The following RYR2 variants were observed in gnomAD, a reference collection of about 807,000 sequenced individuals.
RYR2 encodes ryanodine receptor 2, also known as cardiac muscle ryanodine receptor-calcium release channel.
In RYR2, 227 loss-of-function variants were observed where a neutral mutation model predicts 601.1. The observed-to-expected ratio is 0.38, with a 90% CI of 0.34 to 0.42. RYR2 has a LOEUF of 0.42. RYR2 is among the 10% of genes least tolerant of loss of function. The probability of loss-of-function intolerance (pLI) is 1.00; values close to 1 mark genes in which losing one functional copy is unlikely to be tolerated. For synonymous variants in RYR2, 2,223 were observed against 2,175.1 expected, an observed-to-expected ratio of 1.02 and a Z score of -0.61; for missense variants, 4,646 against 6,156.5, an observed-to-expected ratio of 0.75 and a Z score of 8.21.
intron 12 of RYR2, among the ~76,000 whole-genome samples, chr1:237,425,097 T>C (rs1303037032): frequency 6.6e-6 from 1 of 152,230 alleles, no homozygotes; most frequent in African/African-American, 2.4e-5. Flanking sequence ...TACAACTACT[T>C]AAAAGTTTTT....
chr1:237,044,643 A>T (rs1456964930), intron 1 of RYR2, among the ~76,000 whole-genome samples: 3 of 147,290 alleles, frequency 2.0e-5, no homozygotes, highest in Non-Finnish European at 3.0e-5. Context: ...GAGCAGGGGG[A>T]TTTTTTTTTT....
chr1:237,503,782 G>C (rs896278646), intron 22 of RYR2, among the ~76,000 whole-genome samples: 1 of 151,826 alleles, frequency 6.6e-6, no homozygotes, highest in African/African-American at 2.4e-5. Context: ...ATCTCGGCTC[G>C]CTGCAACCTC....
intron 10 of RYR2, among the ~76,000 whole-genome samples, chr1:237,392,180 A>C (rs1223702426): frequency 2.0e-5 from 3 of 152,124 alleles, no homozygotes; most frequent in Non-Finnish European, 2.9e-5. Context: ...AAGAGAAGCA[A>C]GTCTGGTAGT....
intron 1 of RYR2, among the ~76,000 whole-genome samples, chr1:237,230,515 C>G (rs566285752): frequency 6.6e-6 from 1 of 152,170 alleles, no homozygotes; most frequent in Non-Finnish European, 1.5e-5. Context: ...TTGTAGTATT[C>G]TGTTTTTCAA....
intron 1 of RYR2, among the ~76,000 whole-genome samples, chr1:237,087,402 T>C (rs1465466913): frequency 1.3e-5 from 2 of 152,166 alleles, no homozygotes; most frequent in African/African-American, 4.8e-5. Context: ...TTACCTACCA[T>C]GATGAATCAT....
intron 1 of RYR2, among the ~76,000 whole-genome samples, chr1:237,119,410 A>C (rs1279781046): frequency 1.3e-5 from 2 of 151,940 alleles, no homozygotes; most frequent in East Asian, 3.9e-4. Context: ...GGAAAACTGC[A>C]TGTGTGTGTG....
chr1:237,185,083 C>T (rs942351668), intron 1 of RYR2, among the ~76,000 whole-genome samples: 1 of 152,022 alleles, frequency 6.6e-6, no homozygotes, highest in Non-Finnish European at 1.5e-5. Flanking sequence ...CCAGACTGGT[C>T]TTGAACTCCT....
intron 24 of RYR2, among the ~76,000 whole-genome samples, chr1:237,525,120 C>G (rs1241717954): frequency 1.3e-5 from 2 of 152,122 alleles, no homozygotes; most frequent in African/African-American, 2.4e-5. Flanking sequence ...TAGCTCCCCT[C>G]CTGCTCTCCT....
intron 41 of RYR2, 86 bp downstream of exon 41, chr1:237,628,166 T>C: frequency 1.4e-6 from 2 of 1,383,538 alleles, no homozygotes; most frequent in Non-Finnish European, 2.0e-6. Flanking sequence ...ACTACATTGA[T>C]AAAAATATAT....
intron 2 of RYR2, among the ~76,000 whole-genome samples, chr1:237,287,153 T>G (rs574700315): frequency 1.9e-4 from 29 of 152,296 alleles, no homozygotes; most frequent in Non-Finnish European, 3.5e-4. Context: ...CGCTTCTGGC[T>G]TGTAGGGTTT....
chr1:237,547,831 A>G (rs889050175), intron 25 of RYR2, among the ~76,000 whole-genome samples: 3 of 152,220 alleles, frequency 2.0e-5, no homozygotes, highest in Non-Finnish European at 4.4e-5. Context: ...CTCTAGGGAA[A>G]TAAAATGCAA....
intron 1 of RYR2, among the ~76,000 whole-genome samples, chr1:237,250,746 C>G (rs1330950568): frequency 6.6e-6 from 1 of 152,188 alleles, no homozygotes; most frequent in African/African-American, 2.4e-5. Context: ...GGTGGAGATA[C>G]ACCTATCCCA....
chr1:237,732,055 G>T lies in RYR2; in HGVS notation c.10945G>T (p.Ala3649Ser). The T allele has an allele frequency of 6.2e-7, 1 of 1,601,070 alleles. No homozygotes were observed. Among genetic ancestry groups the T allele is most frequent in the Non-Finnish European group, 8.5e-7 (1 of 1,172,684 alleles). The change falls in exon 78 of 105, where the codon GCT becomes TCT. Residue 3649 changes from alanine (A) to serine (S), a missense_variant. Ala to Ser is a moderately conservative substitution (Grantham distance 99, BLOSUM62 1). Coordinates refer to ENST00000366574, the MANE Select transcript of RYR2 (RefSeq NM_001035.3). ...TTTGACTTTTTTGCAGAAACCTGGG[G>T]CTGAACCTCCAGAAGAAGATGAAGG... ...KLIEDLAKPG[A>S]EPPEEDEGTK...
intron 63 of RYR2, among the ~76,000 whole-genome samples, chr1:237,688,410 A>G (rs958902939): frequency 2.0e-5 from 3 of 152,034 alleles, no homozygotes; most frequent in Non-Finnish European, 2.9e-5. Flanking sequence ...GTATATATAT[A>G]TACATATATA....
intron 10 of RYR2, among the ~76,000 whole-genome samples, chr1:237,396,888 A>G (rs1702902817): frequency 6.6e-6 from 1 of 152,188 alleles, no homozygotes; most frequent in Non-Finnish European, 1.5e-5. Context: ...AAACAAACAT[A>G]AAAGTTTTAA....
intron 25 of RYR2, among the ~76,000 whole-genome samples, chr1:237,536,184 A>C (rs1175793579): frequency 1.3e-5 from 2 of 152,218 alleles, no homozygotes; most frequent in Non-Finnish European, 2.9e-5. Context: ...AGGACGCTTG[A>C]CCATTTCCTT....
chr1:237,208,969 TA>T (rs1682192248), intron 1 of RYR2, among the ~76,000 whole-genome samples: 3 of 109,312 alleles, frequency 2.7e-5, no homozygotes, highest in East Asian at 3.5e-4. Context: ...TATATATATA[TA>T]TATATATATA....
chr1:237,368,367 G>A (rs555552695), intron 5 of RYR2, among the ~76,000 whole-genome samples: 38 of 152,108 alleles, frequency 2.5e-4, no homozygotes, highest in Non-Finnish European at 4.7e-4. Flanking sequence ...ATAAGGCAGG[G>A]AAGACTAGAG....
intron 4 of RYR2, among the ~76,000 whole-genome samples, chr1:237,356,469 G>T (rs1350124173): frequency 6.7e-6 from 1 of 149,484 alleles, no homozygotes; most frequent in Non-Finnish European, 1.5e-5. Flanking sequence ...TCACTATGTT[G>T]CCCAGGCTGG....
Sources: allele counts gnomAD v4.1 joint callset (sites outside exome capture counted in the v4.1 genomes callset), GRCh38; gene constraint gnomAD v4.1.1; transcripts MANE v1.5; gene names NCBI Gene and HGNC (gene_info 2026-07-23, HGNC 2026-07-21).